The following PYHIN1 variants were observed in gnomAD, a reference collection of about 807,000 sequenced individuals.
The protein encoded by PYHIN1 is pyrin and HIN domain family member 1, also known as pyrin and HIN domain-containing protein 1.
A neutral mutation model predicts 43.7 loss-of-function variants in PYHIN1; 32 were observed. The observed-to-expected ratio is 0.73, with a 90% CI of 0.55 to 0.98. The LOEUF is 0.98. PYHIN1 is among the 50% of genes least tolerant of loss of function. PYHIN1 has a pLI of 0.00. For synonymous variants in PYHIN1, 205 were observed against 203.1 expected, an observed-to-expected ratio of 1.01 and a Z score of -0.08; for missense variants, 588 against 589.5, an observed-to-expected ratio of 1.00 and a Z score of 0.03.
intron 7 of PYHIN1, among the ~76,000 whole-genome samples, chr1:158,956,370 A>C (rs946752653): frequency 1.6e-3 from 241 of 152,174 alleles, no homozygotes; most frequent in Middle Eastern, 0.01. Flanking sequence ...TACTGGCAAA[A>C]CGAATCCAGC....
At chr1:158,966,453 C>T (rs1245654034) in intron 7 of PYHIN1, among the ~76,000 whole-genome samples, 1 of 152,040 alleles carries the variant, frequency 6.6e-6, no homozygotes, top group Non-Finnish European at 1.5e-5. Context: ...TCTTGATGAA[C>T]ATACATGCAA....
intron 7 of PYHIN1, among the ~76,000 whole-genome samples, chr1:158,970,154 G>A (rs1265487476): frequency 2.6e-5 from 4 of 152,002 alleles, no homozygotes; most frequent in Non-Finnish European, 5.9e-5. Context: ...GTCATGATCA[G>A]GGATGCTATT....
intron 2 of PYHIN1, among the ~76,000 whole-genome samples, chr1:158,937,704 T>C (rs985666350): frequency 6.6e-6 from 1 of 152,136 alleles, no homozygotes; most frequent in South Asian, 2.1e-4. Context: ...CCCAGCACTT[T>C]GGGAGGCTGA....
In PYHIN1 at chr1:158,946,132, C is replaced by T. The variant is rs117843190; in HGVS notation, c.1359+1090C>T. Among the ~76,000 whole-genome samples the T allele has an allele frequency of 1.2e-4, 19 of 152,132 alleles. No homozygotes were observed. In the East Asian group the frequency reaches 3.5e-3, roughly 28 times the overall value. ...CATTTAATGAATATGTTTGCATAGC[C>T]CAGGCTCTGCAGGGCTTCTCAAAAA... On this transcript the variant is annotated intron_variant, in intron 7 of 8. Coordinates refer to ENST00000368140, the MANE Select transcript of PYHIN1 (RefSeq NM_152501.5).
rs1425865363 is a variant in PYHIN1 at position 158,973,726 on chromosome 1, C to A, written c.1439C>A (p.Ser480Tyr). 5 of 1,613,194 alleles carry A rather than the reference C, an allele frequency of 3.1e-6. No individual in the cohort carries two copies. The South Asian group carries it at 4.4e-5, about 14-fold the overall frequency. The change falls in exon 8 of 9, where the codon TCT (serine) becomes TAT (tyrosine). Residue 480 changes from serine (S) to tyrosine (Y), a missense_variant. Transcript: ENST00000368140. ...ITSPTVAPPLSSDTSTNRHPA... is the reference protein window; with the variant it reads ...ITSPTVAPPLYSDTSTNRHPA... ...TCACCAACTGTGGCCCCTCCTCTTT[C>A]TTCTGACACTTCCACCAACCGCCAT...
chr1:158,942,414 C>T lies in PYHIN1; in HGVS notation c.1002+15C>T. The T allele has an allele frequency of 6.5e-7, 1 of 1,543,382 alleles. No individual in the cohort carries two copies. Among genetic ancestry groups the T allele is most frequent in the South Asian group, 1.3e-5 (1 of 78,602 alleles). On this transcript the variant is annotated intron_variant, in intron 5 of 8. Transcript: ENST00000368140. ...TGCTACATACGGTAAGGCATCAAAGCTATTTTGTGGCATTTTCTACAATAA... is the reference window on the plus strand; with the variant it reads ...TGCTACATACGGTAAGGCATCAAAGTTATTTTGTGGCATTTTCTACAATAA...
chr1:158,953,158 A>C (rs148996101), intron 7 of PYHIN1, among the ~76,000 whole-genome samples: 16,341 of 150,652 alleles, frequency 0.11, 1,012 homozygotes, highest in Non-Finnish European at 0.12. Context: ...ACTGCAAGGC[A>C]GCAGTGAGGC....
downstream of PYHIN1, among the ~76,000 whole-genome samples, chr1:158,981,161 T>C (rs1486728679): frequency 6.6e-6 from 1 of 152,238 alleles, no homozygotes; most frequent in Non-Finnish European, 1.5e-5. Context: ...CCACTGTTAA[T>C]GGCCATCTAG....
At chr1:158,945,862 C>G (rs1649191089) in intron 7 of PYHIN1, among the ~76,000 whole-genome samples, 3 of 152,094 alleles carry the variant, frequency 2.0e-5, no homozygotes, top group African/African-American at 7.2e-5. Context: ...TATCTCATTC[C>G]TTCTTCATAA....
chr1:158,943,474 A>G (rs1402115076), intron 5 of PYHIN1, among the ~76,000 whole-genome samples: 1 of 152,200 alleles, frequency 6.6e-6, no homozygotes, highest in East Asian at 1.9e-4. Flanking sequence ...TAAGCCTACC[A>G]AGGACTTCAG....
intron 7 of PYHIN1, among the ~76,000 whole-genome samples, chr1:158,968,601 C>T (rs537906172): frequency 6.6e-6 from 1 of 152,162 alleles, no homozygotes; most frequent in South Asian, 2.1e-4. Context: ...TGGGCATATG[C>T]CCAAAGGAAT....
At chr1:158,986,797 C>G in the PYHIN1 span, among the ~76,000 whole-genome samples, 2 of 152,178 alleles carry the variant, frequency 1.3e-5, no homozygotes. Context: ...GTGCCAAACC[C>G]TCTGTCTGCG....
chr1:158,958,093 A>C (rs1650070522), intron 7 of PYHIN1, among the ~76,000 whole-genome samples: 1 of 152,080 alleles, frequency 6.6e-6, no homozygotes, highest in African/African-American at 2.4e-5. Context: ...AATCATCAAA[A>C]AGTCAGGAAA....
At chr1:158,971,436 A>T (rs1182055253) in intron 7 of PYHIN1, among the ~76,000 whole-genome samples, 1 of 151,752 alleles carries the variant, frequency 6.6e-6, no homozygotes, top group Non-Finnish European at 1.5e-5. Context: ...ATATATATAT[A>T]TATATAAAGA....
chr1:158,980,024 G>T (rs1358501546), downstream of PYHIN1, among the ~76,000 whole-genome samples: 1 of 152,136 alleles, frequency 6.6e-6, no homozygotes, highest in East Asian at 1.9e-4. Context: ...TTCAGATAAT[G>T]CCTTGCAGCT....
intron 7 of PYHIN1, among the ~76,000 whole-genome samples, chr1:158,949,322 C>T (rs1649395518): frequency 6.6e-6 from 1 of 152,174 alleles, no homozygotes; most frequent in African/African-American, 2.4e-5. Context: ...AGGCTTGTTC[C>T]CCATGACAGA....
intron 4 of PYHIN1, chr1:158,939,587 C>T (rs1309143140): frequency 1.2e-5 from 17 of 1,406,634 alleles, no homozygotes; most frequent in Non-Finnish European, 1.7e-5. Context: ...CTGACATACA[C>T]CATGCTCCTT....
At chr1:158,971,108 C>T (rs1650907259) in intron 7 of PYHIN1, among the ~76,000 whole-genome samples, 1 of 151,974 alleles carries the variant, frequency 6.6e-6, no homozygotes, top group Non-Finnish European at 1.5e-5. Context: ...ATAATCCAGA[C>T]TCTTCAAGCT....
At chr1:158,990,827 A>C in the PYHIN1 span, among the ~76,000 whole-genome samples, 2 of 152,032 alleles carry the variant, frequency 1.3e-5, no homozygotes, top group Non-Finnish European at 2.9e-5. Context: ...GTAACCCCCA[A>C]GTTTTGAGGG....
Sources: allele counts gnomAD v4.1 joint callset (sites outside exome capture counted in the v4.1 genomes callset), GRCh38; gene constraint gnomAD v4.1.1; transcripts MANE v1.5; gene names NCBI Gene and HGNC (gene_info 2026-07-23, HGNC 2026-07-21).